The following ANXA10 variants were observed in gnomAD, a reference collection of about 807,000 sequenced individuals.
The protein encoded by ANXA10 is annexin 14.
In ANXA10, 49 loss-of-function variants were observed where a neutral mutation model predicts 53.5. The observed-to-expected ratio is 0.92, with a 90% CI of 0.73 to 1.16. ANXA10 has a LOEUF of 1.16. Among genes scored for constraint, ANXA10 ranks in the 50% most tolerant of loss-of-function variants. The pLI, the probability that ANXA10 is intolerant of heterozygous loss-of-function variation, is 0.00. For synonymous variants in ANXA10, 131 were observed against 128.9 expected, an observed-to-expected ratio of 1.02 and a Z score of -0.11; for missense variants, 393 against 394.4, an observed-to-expected ratio of 1.00 and a Z score of 0.03.
intron 2 of ANXA10, among the ~76,000 whole-genome samples, chr4:168,134,908 T>C (rs116661626): frequency 0.014 from 2,156 of 152,332 alleles, 21 homozygotes; most frequent in Non-Finnish European, 0.022. Flanking sequence ...CAGCACCTTA[T>C]TCATAGCCTT....
intron 3 of ANXA10, among the ~76,000 whole-genome samples, chr4:168,151,854 T>A (rs1731503217): frequency 1.3e-5 from 2 of 152,260 alleles, no homozygotes; most frequent in Admixed American, 1.3e-4. Context: ...GTAATTCCTG[T>A]ATTTCTCTCC....
At chr4:168,145,097 G>C (rs965019209) in intron 3 of ANXA10, among the ~76,000 whole-genome samples, 1 of 152,174 alleles carries the variant, frequency 6.6e-6, no homozygotes, top group Admixed American at 6.5e-5. Flanking sequence ...CCTCCACTGA[G>C]TCAGTTGCTG....
intron 3 of ANXA10, among the ~76,000 whole-genome samples, chr4:168,154,803 G>A (rs928025326): frequency 6.6e-6 from 1 of 152,084 alleles, no homozygotes; most frequent in African/African-American, 2.4e-5. Flanking sequence ...CTACATAGTG[G>A]AATGAATACA....
chr4:168,097,317 C>T (rs1730567540), intron 1 of ANXA10, among the ~76,000 whole-genome samples: 1 of 152,044 alleles, frequency 6.6e-6, no homozygotes, highest in South Asian at 2.1e-4. Flanking sequence ...GCCTAATTCT[C>T]TCCTCTCATC....
intron 1 of ANXA10, among the ~76,000 whole-genome samples, chr4:168,116,460 C>T (rs1730895524): frequency 1.3e-5 from 2 of 152,160 alleles, no homozygotes; most frequent in Admixed American, 6.5e-5. Flanking sequence ...AGTAATGGGC[C>T]AGTGAACATT....
intron 10 of ANXA10, among the ~76,000 whole-genome samples, chr4:168,183,009 G>GAAAAAAAAAAAAAAAAAA (rs747151480): frequency 3.3e-4 from 31 of 93,206 alleles, no homozygotes; most frequent in South Asian, 4.7e-4. Context: ...CACCGTCTCG[G>GAAAAAAAAAAAAAAAAAA]AAAAAAAAAA....
chr4:168,152,706 G>A (rs976212447), intron 3 of ANXA10, among the ~76,000 whole-genome samples: 1 of 149,980 alleles, frequency 6.7e-6, no homozygotes, highest in Non-Finnish European at 1.5e-5. Flanking sequence ...TAATAAATAA[G>A]TAAATTACAT....
In ANXA10 at chr4:168,179,200, A is replaced by C; in HGVS notation, c.629-17A>C. 1 of 1,464,664 alleles carries C rather than the reference A, an allele frequency of 6.8e-7. No homozygotes were observed. Among genetic ancestry groups the C allele is most frequent in the Non-Finnish European group, 9.5e-7 (1 of 1,050,088 alleles). 90.7% of individuals were successfully genotyped at this position (1,464,664 alleles called of 1,614,324 possible). ...ATATTTTCAAAATCTCCTTTGAATT[A>C]CATCAATTTGTTAAAGTTTTCCAGG... is the stretch of plus-strand genomic sequence containing the variant. On this transcript the variant is annotated splice_polypyrimidine_tract_variant and intron_variant, in intron 8 of 11. Coordinates refer to ENST00000359299, the MANE Select transcript of ANXA10 (RefSeq NM_007193.5).
chr4:168,155,536 T>TTA lies in ANXA10; in HGVS notation c.196-6986_196-6985dup, dbSNP rs1374045179. ...AAATATATAATTATATAATATATAA[T>TTA]TATATATTATAAAATATATAATTAT... On this transcript the variant is annotated intron_variant, in intron 3 of 11. Transcript: ENST00000359299. Among the ~76,000 whole-genome samples the TTA allele has an allele frequency of 1.0e-3, 43 of 41,046 alleles. 2 individuals are homozygous for TTA. The highest frequency in any genetic ancestry group is 1.3e-3 in the Non-Finnish European group (34 of 25,210). The allele number at this position is 41,046 out of a possible 152,430, so 26.9% of individuals were successfully genotyped here.
intron 3 of ANXA10, among the ~76,000 whole-genome samples, chr4:168,149,229 C>T (rs1219627382): frequency 6.6e-6 from 1 of 152,152 alleles, no homozygotes; most frequent in Non-Finnish European, 1.5e-5. Flanking sequence ...ACATTCTCTC[C>T]TACTGTAAAT....
rs1264986923 is a variant in ANXA10, at chr4:168,139,556, G to A, written c.171G>A (p.Glu57=). 1.9e-6 allele frequency: 3 copies of A among 1,611,822 alleles called. No individual in the cohort carries two copies. Among genetic ancestry groups the A allele is most frequent in the Admixed American group, 1.7e-5 (1 of 59,996 alleles). Residue 57 remains glutamate, a synonymous_variant, in exon 3 of 12, where the codon GAG becomes GAA. Coordinates refer to ENST00000359299, the MANE Select transcript of ANXA10 (RefSeq NM_007193.5). The part of the protein sequence containing the change: ...RCNAQRMMIA[E]AYQSMYGRDL... ...ATGCACAAAGGATGATGATTGCAGA[G>A]GCATACCAGAGCATGTATGGCCGGG... is the stretch of plus-strand genomic sequence containing the variant.
At chr4:168,186,073 T>G (rs1338714965) in intron 11 of ANXA10, among the ~76,000 whole-genome samples, 1 of 152,242 alleles carries the variant, frequency 6.6e-6, no homozygotes, top group African/African-American at 2.4e-5. Context: ...CATTAGTTCT[T>G]AGGCACTTAT....
chr4:168,126,499 C>T (rs939194785), intron 1 of ANXA10, among the ~76,000 whole-genome samples: 4 of 152,170 alleles, frequency 2.6e-5, no homozygotes, highest in Non-Finnish European at 4.4e-5. Flanking sequence ...CCACCTCCAA[C>T]TCTATCTTTT....
chr4:168,104,741 T>C (rs1256320747), intron 1 of ANXA10, among the ~76,000 whole-genome samples: 1 of 151,970 alleles, frequency 6.6e-6, no homozygotes, highest in Non-Finnish European at 1.5e-5. Flanking sequence ...AGTTTTTCTT[T>C]GTAAATTGGC....
At chr4:168,164,789 C>T (rs550874850) in intron 5 of ANXA10, among the ~76,000 whole-genome samples, 30 of 152,178 alleles carry the variant, frequency 2.0e-4, no homozygotes, top group African/African-American at 5.3e-4. Context: ...AGTTCTATTG[C>T]GTTATGTAGT....
At position 168,181,390 on chromosome 4, in the gene ANXA10, C is replaced by CA. The variant is rs556987548; in HGVS notation, c.725-276dup. Among the ~76,000 whole-genome samples, 338 of 93,252 alleles carry CA rather than the reference C, an allele frequency of 3.6e-3. 5 individuals carry two copies. In the East Asian group the frequency reaches 0.052, roughly 14 times the overall value. 61.2% of individuals were successfully genotyped at this position (93,252 alleles called of 152,430 possible). A position where few individuals can be genotyped will look rare whatever the true frequency, so the allele number is the denominator to read the frequency against. ...TGGGCGACAGAACGAGACTCCGTCT[C>CA]AAAAAAAAAAAAAAAAAGAAGATGA... On this transcript the variant is annotated intron_variant, in intron 9 of 11. Transcript: ENST00000359299.
At chr4:168,157,794 G>A (rs1731715451) in intron 3 of ANXA10, among the ~76,000 whole-genome samples, 2 of 152,068 alleles carry the variant, frequency 1.3e-5, no homozygotes, top group Admixed American at 1.3e-4. Context: ...GAAGCTATGT[G>A]TATTCTTTTA....
chr4:168,148,933 C>G (rs1731449824), intron 3 of ANXA10, among the ~76,000 whole-genome samples: 1 of 151,810 alleles, frequency 6.6e-6, no homozygotes, highest in African/African-American at 2.4e-5. Context: ...GTTATTTTCC[C>G]CTACATCTTT....
intron 4 of ANXA10, among the ~76,000 whole-genome samples, chr4:168,163,851 T>C (rs2149477481): frequency 6.6e-6 from 1 of 152,282 alleles, no homozygotes; most frequent in East Asian, 1.9e-4. Flanking sequence ...GAATTAATAT[T>C]CCAGCAGCAA....
Sources: allele counts gnomAD v4.1 joint callset (sites outside exome capture counted in the v4.1 genomes callset), GRCh38; gene constraint gnomAD v4.1.1; transcripts MANE v1.5; gene names NCBI Gene and HGNC (gene_info 2026-07-23, HGNC 2026-07-21).